BRWD1: variants seen among roughly 807,000 people sequenced by gnomAD.
The protein encoded by BRWD1 is bromodomain and WD repeat domain containing 1, also known as bromodomain and WD repeat-containing protein 1.
A neutral mutation model predicts 251.2 loss-of-function variants in BRWD1; 82 were observed. The ratio of observed to expected loss-of-function variants is 0.33; its 90% CI spans 0.27 to 0.39. The LOEUF is 0.39. Among genes scored for constraint, BRWD1 ranks in the 10% least tolerant of loss-of-function variants. The pLI is 1.00. For missense variants in BRWD1, 2,233 were observed against 2,711.6 expected (o/e 0.82, Z 3.92); for synonymous variants, 918 against 902.8 (o/e 1.02, Z -0.30).
At chr21:39,258,202 G>A (rs1309126413) in intron 18 of BRWD1, among the ~76,000 whole-genome samples, 1 of 151,888 alleles carries the variant, frequency 6.6e-6, no homozygotes, top group Non-Finnish European at 1.5e-5. Flanking sequence ...CTAGAACTAT[G>A]GTTTTATTTT....
In BRWD1 at chr21:39,198,965, C is replaced by G; in HGVS notation, c.5451G>C (p.Lys1817Asn). 1 of 1,613,976 alleles carries G rather than the reference C, an allele frequency of 6.2e-7. No homozygotes were observed. The highest frequency in any genetic ancestry group is 1.3e-5 in the African/African-American group (1 of 74,982). Residue 1817 changes from lysine to asparagine, a missense_variant, in exon 40 of 41, where the codon AAG (lysine) becomes AAC (asparagine). By Grantham distance (94) the Lys-to-Asn change is moderately conservative. Transcript: ENST00000342449. ...HKNASFFKKT[K>N]ILSDSEDSES... ...CAGAGTCTTCTGAGTCACTCAGAAT[C>G]TTGGTTTTTTTAAAGAAACTCGCAT...
At chr21:39,200,531 C>A (rs1173127452) in intron 38 of BRWD1, 145 bp from the exon 39 acceptor site, 4 of 655,192 alleles carry the variant, frequency 6.1e-6, no homozygotes, top group Non-Finnish European at 9.1e-6. Context: ...TTTTTAAAAA[C>A]CATTCCCAAA....
intron 17 of BRWD1, among the ~76,000 whole-genome samples, chr21:39,259,976 G>A (rs2034687819): frequency 6.6e-6 from 1 of 152,120 alleles, no homozygotes; most frequent in Non-Finnish European, 1.5e-5. Context: ...GATGGGCAAG[G>A]GAGGACATTT....
intron 21 of BRWD1, among the ~76,000 whole-genome samples, chr21:39,245,565 A>C (rs2836954): frequency 0.031 from 4,731 of 151,646 alleles, 248 homozygotes; most frequent in African/African-American, 0.11. Context: ...CAGTCAGGAA[A>C]TTTTAACACT....
At chr21:39,293,766 G>A (rs1454667601) in intron 8 of BRWD1, 45 bp downstream of exon 8, 1 of 1,473,230 alleles carries the variant, frequency 6.8e-7, no homozygotes, top group African/African-American at 1.4e-5. Context: ...TAAAGAAAAA[G>A]GTGAAAATAC....
In BRWD1 at chr21:39,198,879, GA is replaced by G; in HGVS notation, c.5536del (p.Ser1846GlnfsTer4). The G allele has an allele frequency of 6.2e-7, 1 of 1,614,132 alleles. No individual in the cohort carries two copies. The highest frequency in any genetic ancestry group is 8.5e-7 in the Non-Finnish European group (1 of 1,179,992). On this transcript the variant is annotated frameshift_variant, in exon 40 of 41. Coordinates refer to ENST00000342449, the MANE Select transcript of BRWD1 (RefSeq NM_033656.4). LOFTEE classifies it high-confidence loss of function. Reference protein sequence around the residue: ...KCHKMEMNPISGNLNCDPIAM... With the variant: ...KCHKMEMNPIXGNLNCDPIAM... ...AATAGGGTCACAGTTCAGATTTCCT[GA>G]AATTGGGTTCATTTCCATTTTATGA...
rs562118889 is a variant in BRWD1, at chr21:39,261,535, T to TA, written c.1886-2864_1886-2863insT. On this transcript the variant is annotated intron_variant, in intron 17 of 40. Transcript: ENST00000342449. ...CCAGAAGTTTATTTCTACCCACCCA[T>TA]GATCCATCAGTACAAATGTCAACAC... 2.6e-3 allele frequency among the ~76,000 whole-genome samples: 390 copies of TA among 152,292 alleles called. 2 individuals are homozygous for TA. Among genetic ancestry groups the TA allele is most frequent in the Middle Eastern group, 0.017 (5 of 294 alleles).
intron 4 of BRWD1, among the ~76,000 whole-genome samples, chr21:39,309,895 C>T (rs1023585236): frequency 1.3e-5 from 2 of 151,042 alleles, no homozygotes; most frequent in African/African-American, 2.4e-5. Context: ...GTGATATTGG[C>T]ACTTGATGAT....
chr21:39,303,010 G>T (rs2146778889), intron 4 of BRWD1, among the ~76,000 whole-genome samples: 2 of 151,304 alleles, frequency 1.3e-5, no homozygotes, highest in Admixed American at 1.3e-4. Context: ...AGTGAGCCGA[G>T]ATCACACCAC....
intron 21 of BRWD1, among the ~76,000 whole-genome samples, chr21:39,244,357 C>T (rs771989495): frequency 6.6e-6 from 1 of 152,188 alleles, no homozygotes; most frequent in Non-Finnish European, 1.5e-5. Flanking sequence ...AGCCACTGCA[C>T]CCGGCCCATG....
At position 39,313,061 on chromosome 21, in the gene BRWD1, C is replaced by A. The variant is rs1474105045; in HGVS notation, c.138+11G>T. On this transcript the variant is annotated intron_variant, in intron 3 of 40. Coordinates refer to ENST00000342449, the MANE Select transcript of BRWD1 (RefSeq NM_033656.4). Reference sequence around the variant, plus strand: ...GAACCCGAGGGAGCGCGGGGACGGGCGCGCACAGACCTGGTACTGCTCCAG... The same window carrying A: ...GAACCCGAGGGAGCGCGGGGACGGGAGCGCACAGACCTGGTACTGCTCCAG... The A allele has an allele frequency of 2.0e-5, 29 of 1,430,364 alleles. No homozygotes were observed. Among genetic ancestry groups the A allele is most frequent in the Admixed American group, 8.3e-5 (3 of 36,106 alleles). 88.6% of individuals were successfully genotyped at this position (1,430,364 alleles called of 1,614,324 possible).
intron 23 of BRWD1, among the ~76,000 whole-genome samples, chr21:39,233,621 G>A (rs1034204187): frequency 6.6e-5 from 10 of 152,192 alleles, no homozygotes; most frequent in South Asian, 2.1e-4. Context: ...AAGTGTTGCC[G>A]TGAGATTCTG....
chr21:39,303,827 A>G (rs2036198088), intron 4 of BRWD1, among the ~76,000 whole-genome samples: 1 of 151,746 alleles, frequency 6.6e-6, no homozygotes, highest in Admixed American at 6.6e-5. Flanking sequence ...TGTCTCAAAA[A>G]AAAAAAGAAA....
intron 13 of BRWD1, among the ~76,000 whole-genome samples, chr21:39,273,208 A>AATAT (rs1390891181): frequency 6.6e-6 from 1 of 152,208 alleles, no homozygotes; most frequent in Non-Finnish European, 1.5e-5. Context: ...ATAAAACAAT[A>AATAT]ATAGGTGAAA....
intron 23 of BRWD1, among the ~76,000 whole-genome samples, chr21:39,235,038 C>G (rs1252625220): frequency 6.6e-6 from 1 of 152,152 alleles, no homozygotes; most frequent in East Asian, 1.9e-4. Flanking sequence ...CACCTGAGGT[C>G]AGAAGTTCGA....
At chr21:39,270,251 T>G in intron 14 of BRWD1, 32 bp downstream of exon 14, 1 of 1,501,832 alleles carries the variant, frequency 6.7e-7, no homozygotes, top group Non-Finnish European at 8.9e-7. Context: ...TCAAAAAATC[T>G]CATTTGTTAC....
rs1207837124 is a variant in BRWD1, at chr21:39,213,435, C to A, written c.3858+46G>T. 3.4e-6 allele frequency: 5 copies of A among 1,472,254 alleles called. No homozygotes were observed. In the African/African-American group the frequency reaches 5.6e-5, roughly 16 times the overall value. 91.2% of individuals were successfully genotyped at this position (1,472,254 alleles called of 1,614,324 possible). A position where few individuals can be genotyped will look rare whatever the true frequency, so the allele number is the denominator to read the frequency against. ...AACATTTTCTTCACTTTAAAAATAC[C>A]ATTTGAAATTAACAAAAACCATTAT... On this transcript the variant is annotated intron_variant, in intron 33 of 40. Coordinates refer to ENST00000342449, the MANE Select transcript of BRWD1 (RefSeq NM_033656.4).
At chr21:39,269,837 A>G in intron 15 of BRWD1, 62 bp downstream of exon 15, 1 of 1,335,664 alleles carries the variant, frequency 7.5e-7, no homozygotes, top group Non-Finnish European at 9.8e-7. Flanking sequence ...GCTAAGCCGC[A>G]TAACCCAAAT....
chr21:39,207,042 C>T (rs1166873249), intron 36 of BRWD1, among the ~76,000 whole-genome samples: 1 of 152,156 alleles, frequency 6.6e-6, no homozygotes, highest in Non-Finnish European at 1.5e-5. Context: ...TTCTTACATG[C>T]TTCTCATATA....
Sources: gnomAD v4.1 joint callset for allele counts (sites outside exome capture counted in the v4.1 genomes callset) on GRCh38, gnomAD v4.1.1 for gene constraint, MANE v1.5 for transcripts, NCBI Gene and HGNC (gene_info 2026-07-23, HGNC 2026-07-21) for gene names.